Variants in CD44 observed in about 807,000 individuals in gnomAD.
CD44 encodes CD44 antigen.
In CD44, 49 loss-of-function variants were observed where a neutral mutation model predicts 88.8. The ratio of observed to expected loss-of-function variants is 0.55; its 90% CI spans 0.44 to 0.70. CD44 has a LOEUF of 0.70. Among genes scored for constraint, CD44 ranks in the 30% least tolerant of loss-of-function variants. CD44 has a pLI of 0.00. For synonymous variants in CD44, 325 were observed against 312.3 expected, an observed-to-expected ratio of 1.04 and a Z score of -0.43; for missense variants, 883 against 913.8, an observed-to-expected ratio of 0.97 and a Z score of 0.43.
At chr11:35,198,287 T>C in intron 7 of CD44, 41 bp downstream of exon 7, 1 of 1,593,314 alleles carries the variant, frequency 6.3e-7, no homozygotes, top group Non-Finnish European at 8.6e-7. Context: ...TATGCAAGGC[T>C]TATTGATTAA....
chr11:35,202,778 C>G (rs1230727510), intron 9 of CD44, among the ~76,000 whole-genome samples: 1 of 152,080 alleles, frequency 6.6e-6, no homozygotes, highest in Non-Finnish European at 1.5e-5. Context: ...ATTACAAACC[C>G]CAGTAGGTGT....
chr11:35,145,917 G>A (rs1859056857), intron 1 of CD44, among the ~76,000 whole-genome samples: 1 of 152,194 alleles, frequency 6.6e-6, no homozygotes, highest in Non-Finnish European at 1.5e-5. Flanking sequence ...AGCCACTTTG[G>A]CAATGGCAAA....
chr11:35,222,412 T>C (rs751474280), intron 17 of CD44: 12 of 1,297,012 alleles, frequency 9.3e-6, no homozygotes, highest in Non-Finnish European at 1.2e-5. Flanking sequence ...AAGAGCACTG[T>C]TTCATCGTCT....
At position 35,229,400 on chromosome 11, in the gene CD44, C is replaced by A; in HGVS notation, c.*67C>A. The A allele has an allele frequency of 1.1e-6, 1 of 950,300 alleles. No individual in the cohort carries two copies. Among genetic ancestry groups the A allele is most frequent in the Non-Finnish European group, 1.7e-6 (1 of 602,908 alleles). 58.9% of individuals were successfully genotyped at this position (950,300 alleles called of 1,614,324 possible). A position where few individuals can be genotyped will look rare whatever the true frequency, so the allele number is the denominator to read the frequency against. On this transcript the variant is annotated 3_prime_UTR_variant, in exon 18 of 18. Coordinates refer to ENST00000428726, the MANE Select transcript of CD44 (RefSeq NM_000610.4). ...ATAACCATTACAGGGAGCTGGGACA[C>A]TTAACAGATGCAATGTGCTACTGAT...
At chr11:35,201,914 A>T in intron 9 of CD44, 127 bp downstream of exon 9, 1 of 1,021,294 alleles carries the variant, frequency 9.8e-7, no homozygotes, top group South Asian at 1.7e-5. Context: ...TTTTATTCTT[A>T]GAGCCTGAAA....
intron 16 of CD44, among the ~76,000 whole-genome samples, chr11:35,220,024 G>C (rs1185746986): frequency 6.6e-6 from 1 of 152,190 alleles, no homozygotes; most frequent in Non-Finnish European, 1.5e-5. Flanking sequence ...AAATTGATTT[G>C]TCATAGAGAA....
Position 35,140,211 on chromosome 11 carries a change from C to G in CD44, c.67+841C>G, listed in dbSNP as rs970283976. 2.0e-5 allele frequency among the ~76,000 whole-genome samples: 3 copies of G among 152,202 alleles called. No individual in the cohort carries two copies. In the East Asian group the frequency reaches 5.8e-4, roughly 29 times the overall value. ...GACCCTGGAGCTAGGGCTCCAATAT[C>G]TCATCCAAACAGGGTCAGTGCTTTG... On this transcript the variant is annotated intron_variant, in intron 1 of 17. Transcript: ENST00000428726.
At chr11:35,222,388 G>A (rs1949373400) in intron 17 of CD44, 2 of 1,296,318 alleles carry the variant, frequency 1.5e-6, no homozygotes, top group Middle Eastern at 4.3e-4. Context: ...AAGAGATTCA[G>A]GTTATAGCAT....
intron 1 of CD44, among the ~76,000 whole-genome samples, chr11:35,161,312 G>T (rs1942569623): frequency 6.6e-6 from 1 of 152,154 alleles, no homozygotes; most frequent in Admixed American, 6.5e-5. Flanking sequence ...AGGCTTAAAG[G>T]TTAAGAAAAC....
intron 15 of CD44, among the ~76,000 whole-genome samples, chr11:35,216,117 GCA>G (rs767876130): frequency 4.0e-4 from 60 of 151,716 alleles, no homozygotes; most frequent in Non-Finnish European, 7.4e-4. Flanking sequence ...ACTTCTCATA[GCA>G]CAGTCTGGAG....
rs909624215 is a variant in CD44 at position 35,179,229 on chromosome 11, T to C, written c.234-1045T>C. ...ATGCTGTTGCCCCTGGCAGGAAAGA[T>C]GAAAAGCATCAATGTGCATTTTAGC... On this transcript the variant is annotated intron_variant, in intron 2 of 17. Transcript: ENST00000428726. 5.9e-5 allele frequency among the ~76,000 whole-genome samples: 9 copies of C among 152,310 alleles called. No homozygotes were observed. In the South Asian group the frequency reaches 6.2e-4, roughly 11 times the overall value.
rs1180819892 is a variant in CD44, at chr11:35,209,962, C to T, written c.1517-3C>T. ...ACACTGGATTCATTCCTCATTGAAA[C>T]AGAGCAGAGTAATTCTCAGAGCTTC... On this transcript the variant is annotated splice_region_variant and splice_polypyrimidine_tract_variant and intron_variant, in intron 12 of 17. Transcript: ENST00000428726. 6.4e-7 allele frequency: 1 copy of T among 1,560,592 alleles called. No individual in the cohort carries two copies. Among genetic ancestry groups the T allele is most frequent in the African/African-American group, 1.4e-5 (1 of 72,070 alleles).
At chr11:35,221,829 C>A in intron 17 of CD44, 97 bp downstream of exon 17, 1 of 1,089,658 alleles carries the variant, frequency 9.2e-7, no homozygotes, top group Non-Finnish European at 1.4e-6. Flanking sequence ...CTGGAACCAG[C>A]AGCCTGGGTA....
intron 3 of CD44, among the ~76,000 whole-genome samples, chr11:35,186,043 C>T (rs117278408): frequency 0.016 from 1,957 of 123,492 alleles, 18 homozygotes; most frequent in Middle Eastern, 0.024. Flanking sequence ...GAGGATAAAA[C>T]GAGAACAAGA....
At chr11:35,167,152 T>G (rs1943378608) in intron 1 of CD44, among the ~76,000 whole-genome samples, 1 of 152,214 alleles carries the variant, frequency 6.6e-6, no homozygotes, top group Non-Finnish European at 1.5e-5. Context: ...GAGTTGTGGC[T>G]TTTTTGAGAG....
intron 14 of CD44, among the ~76,000 whole-genome samples, chr11:35,214,392 ATC>A (rs1291654562): frequency 2.6e-5 from 4 of 152,220 alleles, no homozygotes; most frequent in Admixed American, 6.5e-5. Flanking sequence ...CCGCCAAGAA[ATC>A]TCTGTTTCAT....
chr11:35,190,795 A>G (rs1946191479), intron 5 of CD44, among the ~76,000 whole-genome samples: 1 of 152,234 alleles, frequency 6.6e-6, no homozygotes, highest in Non-Finnish European at 1.5e-5. Flanking sequence ...TCAGCTTAAG[A>G]GCTCTATAAT....
Position 35,221,703 on chromosome 11 carries a change from A to G in CD44, c.1995A>G (p.Ala665=), listed in dbSNP as rs185210904. The change falls in exon 17 of 18, where the codon GCA becomes GCG. Residue 665 remains alanine (A), a synonymous_variant. Coordinates refer to ENST00000428726, the MANE Select transcript of CD44 (RefSeq NM_000610.4). ...ASLLALALIL[A]VCIAVNSRRR... is the part of the protein sequence containing the mutation. ...TCTTGGCCTTGGCTTTGATTCTTGC[A>G]GTTTGCATTGCAGTCAACAGTCGAA... is the stretch of plus-strand genomic sequence containing the variant. 202 of 1,614,124 alleles carry G rather than the reference A, an allele frequency of 1.3e-4. 1 individual carries two copies. In the East Asian group the frequency reaches 4.1e-3, roughly 32 times the overall value.
intron 13 of CD44, 128 bp downstream of exon 13, chr11:35,210,182 G>A (rs1046572770): frequency 5.4e-6 from 3 of 556,820 alleles, no homozygotes; most frequent in Non-Finnish European, 9.4e-6. Context: ...TAATCAAAAG[G>A]TGCGTCTGGT....
Sources: gnomAD v4.1 joint callset for allele counts (sites outside exome capture counted in the v4.1 genomes callset) on GRCh38, gnomAD v4.1.1 for gene constraint, MANE v1.5 for transcripts, NCBI Gene and HGNC (gene_info 2026-07-23, HGNC 2026-07-21) for gene names.